The following SND1 variants were observed in gnomAD, a reference collection of about 807,000 sequenced individuals.
SND1 encodes staphylococcal nuclease domain-containing protein 1.
A neutral mutation model predicts 121.7 loss-of-function variants in SND1; 38 were observed. That is an observed-to-expected ratio of 0.31 (90% CI 0.24 to 0.41). The LOEUF (loss-of-function observed/expected upper bound fraction) is 0.41, where lower values mean the gene tolerates loss of function less well. SND1 is among the 10% of genes least tolerant of loss of function. The pLI is 1.00. For synonymous variants in SND1, 401 were observed against 447.4 expected, an observed-to-expected ratio of 0.90 and a Z score of 1.31; for missense variants, 868 against 1,184.6, an observed-to-expected ratio of 0.73 and a Z score of 3.92.
rs185893851 is a variant in SND1, at chr7:128,044,532, T to C, written c.1780-29970T>C. Among the ~76,000 whole-genome samples, 1,234 of 152,238 alleles carry C rather than the reference T, an allele frequency of 8.1e-3. 19 individuals are homozygous for C. The highest frequency in any genetic ancestry group is 0.011 in the Non-Finnish European group (726 of 67,998). On this transcript the variant is annotated intron_variant, in intron 16 of 23. Coordinates refer to ENST00000354725, the MANE Select transcript of SND1 (RefSeq NM_014390.4). ...TTGAAAATTTTTTCTTCCTTGCTCTTACCTTGCTGAAATCATTGTTTTTAC... is the reference window on the plus strand; with the variant it reads ...TTGAAAATTTTTTCTTCCTTGCTCTCACCTTGCTGAAATCATTGTTTTTAC...
At chr7:127,728,039 A>G (rs1253979030) in intron 10 of SND1, among the ~76,000 whole-genome samples, 1 of 152,178 alleles carries the variant, frequency 6.6e-6, no homozygotes, top group Non-Finnish European at 1.5e-5. Flanking sequence ...TGGTATCTGG[A>G]TAGATAGCAG....
chr7:127,784,101 T>G (rs1584570077), intron 10 of SND1, among the ~76,000 whole-genome samples: 1 of 152,248 alleles, frequency 6.6e-6, no homozygotes, highest in Non-Finnish European at 1.5e-5. Context: ...TTAACTGATT[T>G]AAACTTCTGG....
In SND1 at chr7:128,089,519, G is replaced by A. The variant is rs144250740; in HGVS notation, c.2449G>A (p.Val817Ile). Residue 817 changes from valine (V) to isoleucine (I), a missense_variant, in exon 22 of 24, where the codon GTA (valine) becomes ATA (isoleucine). Physicochemically the swap from Val to Ile is conservative, Grantham distance 29. Coordinates refer to ENST00000354725, the MANE Select transcript of SND1 (RefSeq NM_014390.4). ...TGCCCGCACGGACGCCGTGGACAGC[G>A]TAGTTCGGGATATCCAGAACACTCA... is the stretch of plus-strand genomic sequence containing the variant. ...DDARTDAVDS[V>I]VRDIQNTQCL... 8.1e-6 allele frequency: 13 copies of A among 1,614,174 alleles called. No individual in the cohort carries two copies. Among genetic ancestry groups the A allele is most frequent in the East Asian group, 4.5e-5 (2 of 44,884 alleles).
At chr7:127,960,743 T>G (rs1306553506) in intron 15 of SND1, among the ~76,000 whole-genome samples, 1 of 152,214 alleles carries the variant, frequency 6.6e-6, no homozygotes, top group Non-Finnish European at 1.5e-5. Context: ...TATTCAGATC[T>G]TCCCTGTGTT....
chr7:127,770,809 C>T (rs930411194), intron 10 of SND1, among the ~76,000 whole-genome samples: 2 of 152,104 alleles, frequency 1.3e-5, no homozygotes, highest in Non-Finnish European at 1.5e-5. Context: ...CACTTAATTG[C>T]TTCTATATGC....
At chr7:128,077,871 TG>T (rs1197214615) in intron 17 of SND1, among the ~76,000 whole-genome samples, 1 of 152,236 alleles carries the variant, frequency 6.6e-6, no homozygotes, top group Non-Finnish European at 1.5e-5. Context: ...TTCAAGAGGC[TG>T]GGGTAGAGCC....
intron 17 of SND1, among the ~76,000 whole-genome samples, chr7:128,075,736 T>C (rs189621997): frequency 3.2e-4 from 49 of 152,284 alleles, no homozygotes; most frequent in African/African-American, 1.2e-3. Flanking sequence ...AAAGGGACGG[T>C]CAGTGCCCTG....
chr7:127,735,243 C>G (rs1179437518), intron 10 of SND1, among the ~76,000 whole-genome samples: 2 of 120,264 alleles, frequency 1.7e-5, no homozygotes, highest in Non-Finnish European at 3.9e-5. Flanking sequence ...GTGGTCTTCT[C>G]CTTAGTATTG....
At chr7:127,728,297 T>A (rs1796616603) in intron 10 of SND1, among the ~76,000 whole-genome samples, 1 of 152,216 alleles carries the variant, frequency 6.6e-6, no homozygotes, top group Non-Finnish European at 1.5e-5. Flanking sequence ...CATTTACTTC[T>A]ATCAATCCAT....
chr7:128,011,775 A>C (rs1264546658), intron 16 of SND1, among the ~76,000 whole-genome samples: 2 of 152,216 alleles, frequency 1.3e-5, no homozygotes, highest in South Asian at 4.1e-4. Context: ...TAAGAAAATG[A>C]ACATATTTTT....
intron 9 of SND1, among the ~76,000 whole-genome samples, chr7:127,713,763 G>A (rs572980477): frequency 3.3e-5 from 5 of 152,330 alleles, no homozygotes; most frequent in African/African-American, 1.2e-4. Context: ...TCTGATACAT[G>A]TGGCCTATTG....
intron 6 of SND1, 138 bp from the exon 7 acceptor site, chr7:127,703,026 TA>T: frequency 1.1e-6 from 1 of 878,384 alleles, no homozygotes; most frequent in Non-Finnish European, 1.8e-6. Flanking sequence ...CAGTGTGTTT[TA>T]AATTAGAAGG....
intron 1 of SND1, among the ~76,000 whole-genome samples, chr7:127,677,681 T>A (rs764299572): frequency 6.6e-6 from 1 of 152,214 alleles, no homozygotes; most frequent in Non-Finnish European, 1.5e-5. Context: ...CATAAATGAA[T>A]GAGCTTGACG....
At chr7:127,908,932 T>C (rs1800400805) in intron 14 of SND1, among the ~76,000 whole-genome samples, 1 of 152,158 alleles carries the variant, frequency 6.6e-6, no homozygotes, top group Non-Finnish European at 1.5e-5. Context: ...ATCAGACAAA[T>C]CAATTATGGT....
intron 10 of SND1, among the ~76,000 whole-genome samples, chr7:127,759,907 T>A (rs1302549381): frequency 1.3e-5 from 2 of 152,220 alleles, no homozygotes; most frequent in African/African-American, 4.8e-5. Flanking sequence ...TGTAACAAAC[T>A]GTCGCATTTC....
At chr7:127,763,808 G>A (rs1209286977) in intron 10 of SND1, among the ~76,000 whole-genome samples, 1 of 151,766 alleles carries the variant, frequency 6.6e-6, no homozygotes, top group Admixed American at 6.6e-5. Context: ...AAAAGCGTAG[G>A]GCCAGGCAGA....
intron 13 of SND1, 176 bp from the exon 14 acceptor site, chr7:127,904,571 T>C (rs1800295206): frequency 2.2e-6 from 1 of 455,732 alleles, no homozygotes; most frequent in African/African-American, 2.0e-5. Flanking sequence ...AGCTTTATAA[T>C]CCCCCCTCCA....
chr7:128,002,571 G>A (rs1174468655), intron 16 of SND1, among the ~76,000 whole-genome samples: 1 of 152,164 alleles, frequency 6.6e-6, no homozygotes, highest in Non-Finnish European at 1.5e-5. Flanking sequence ...CATACCTCAT[G>A]GATGTCTAAG....
At chr7:127,736,490 T>C (rs1796778415) in intron 10 of SND1, among the ~76,000 whole-genome samples, 1 of 152,252 alleles carries the variant, frequency 6.6e-6, no homozygotes, top group Non-Finnish European at 1.5e-5. Flanking sequence ...TTATTTCCAA[T>C]TTTTATGATT....
Sources: gnomAD v4.1 joint callset for allele counts (sites outside exome capture counted in the v4.1 genomes callset) on GRCh38, gnomAD v4.1.1 for gene constraint, MANE v1.5 for transcripts, NCBI Gene and HGNC (gene_info 2026-07-23, HGNC 2026-07-21) for gene names.